The following NDRG2 variants were observed in gnomAD, a reference collection of about 807,000 sequenced individuals.
NDRG2 encodes NDRG family member 2.
In NDRG2, 34 loss-of-function variants were observed where a neutral mutation model predicts 58.2. The ratio of observed to expected loss-of-function variants is 0.58; its 90% CI spans 0.44 to 0.78. NDRG2 has a LOEUF of 0.78. Among genes scored for constraint, NDRG2 ranks in the 30% least tolerant of loss-of-function variants. The pLI is 0.00. For synonymous variants in NDRG2, 187 were observed against 175.9 expected, an observed-to-expected ratio of 1.06 and a Z score of -0.50; for missense variants, 434 against 471.2, an observed-to-expected ratio of 0.92 and a Z score of 0.73.
At chr14:21,031,245 C>T (rs1412965152) in intron 1 of NDRG2, 2 of 1,532,166 alleles carry the variant, frequency 1.3e-6, no homozygotes, top group East Asian at 4.5e-5. Flanking sequence ...ACCCTGCCAA[C>T]TGTGTGACTG....
At chr14:21,027,694 A>G (rs1883790009), upstream of NDRG2, among the ~76,000 whole-genome samples, 1 of 152,196 alleles carries the variant, frequency 6.6e-6, no homozygotes, top group Non-Finnish European at 1.5e-5. Flanking sequence ...CTCAGTTCAC[A>G]CTCACTCTTT....
chr14:21,042,944 C>T, intron 1 of NDRG2: 1 of 1,534,078 alleles, frequency 6.5e-7, no homozygotes, highest in Non-Finnish European at 8.9e-7. Flanking sequence ...CTGAACACCT[C>T]TGTCCCAGCG....
intron 1 of NDRG2, 99 bp from the exon 2 acceptor site, chr14:21,023,420 C>G (rs773289056): frequency 9.2e-7 from 1 of 1,083,642 alleles, no homozygotes; most frequent in East Asian, 2.6e-5. Flanking sequence ...ATGCAGGGAA[C>G]AGAGGGACCC....
At chr14:21,062,685 T>C (rs972213988) in intron 1 of NDRG2, among the ~76,000 whole-genome samples, 4 of 144,872 alleles carry the variant, frequency 2.8e-5, no homozygotes, top group African/African-American at 5.1e-5. Context: ...GCTTTTAAAA[T>C]GTAAACAAAA....
At chr14:21,061,772 T>A (rs1274495640) in intron 1 of NDRG2, among the ~76,000 whole-genome samples, 1 of 152,236 alleles carries the variant, frequency 6.6e-6, no homozygotes, top group African/African-American at 2.4e-5. Context: ...ATTAGGCTTG[T>A]CATTCTAATT....
chr14:21,018,426 G>A, intron 13 of NDRG2, 31 bp downstream of exon 13: 1 of 1,613,048 alleles, frequency 6.2e-7, no homozygotes, highest in Non-Finnish European at 8.5e-7. Context: ...ATATATGACT[G>A]TGGACGGGGG....
intron 1 of NDRG2, among the ~76,000 whole-genome samples, chr14:21,069,894 G>C (rs1286103696): frequency 1.1e-4 from 17 of 152,216 alleles, no homozygotes; most frequent in Non-Finnish European, 2.5e-4. Flanking sequence ...GAAGACCCCA[G>C]TTCTGGGAAG....
intron 1 of NDRG2, among the ~76,000 whole-genome samples, chr14:21,067,466 G>A (rs1886329881): frequency 6.6e-6 from 1 of 152,128 alleles, no homozygotes; most frequent in South Asian, 2.1e-4. Context: ...CTTACTGGTT[G>A]CGACTGAAGC....
chr14:21,045,335 ATGAGTTGGTCACAACAGCCAAACGAC>A (rs1885096789), intron 1 of NDRG2, among the ~76,000 whole-genome samples: 1 of 152,196 alleles, frequency 6.6e-6, no homozygotes, highest in African/African-American at 2.4e-5. Context: ...CAATAAGTGG[ATGAGTTGGTCACAACAGCCAAACGAC>A]TGAGTGTAAA....
chr14:21,022,971 AACAG>A (rs778645885), intron 2 of NDRG2, 66 bp from the exon 3 acceptor site: 24 of 1,581,564 alleles, frequency 1.5e-5, no homozygotes, highest in African/African-American at 5.4e-5. Context: ...TGGAGAGACA[AACAG>A]ACAAAGAGAG....
rs1275305354 is a variant in NDRG2, at chr14:21,043,488, G to A, written c.25-20167C>T. 4 of 1,510,974 alleles carry A rather than the reference G, an allele frequency of 2.6e-6. No individual in the cohort carries two copies. The African/African-American group carries it at 5.6e-5, about 21-fold the overall frequency. 93.6% of individuals were successfully genotyped at this position (1,510,974 alleles called of 1,614,324 possible). A position where few individuals can be genotyped will look rare whatever the true frequency, so the allele number is the denominator to read the frequency against. On this transcript the variant is annotated intron_variant, in intron 1 of 14. Coordinates refer to the NDRG2 transcript ENST00000403829. ...GGTTTCCAGACTGGCTTGCTCTTTG[G>A]CTGACCTTCAATTCCCTCTCCAGGA... is the stretch of plus-strand genomic sequence containing the variant.
At chr14:21,059,358 A>G (rs182897154) in intron 1 of NDRG2, among the ~76,000 whole-genome samples, 12 of 152,322 alleles carry the variant, frequency 7.9e-5, no homozygotes, top group Admixed American at 2.0e-4. Context: ...ATACAATACA[A>G]TGAATTACTA....
At chr14:21,020,940 C>A in intron 6 of NDRG2, 96 bp from the exon 7 acceptor site, 1 of 1,348,096 alleles carries the variant, frequency 7.4e-7, no homozygotes, top group Non-Finnish European at 1.1e-6. Flanking sequence ...CTCCTGAGTC[C>A]ACGGGCACAA....
chr14:21,058,526 G>A (rs78390780), intron 1 of NDRG2: 10,779 of 602,368 alleles, frequency 0.018, 558 homozygotes, highest in African/African-American at 0.14. Flanking sequence ...CGCTCCAAAC[G>A]ATGAAAGAAG....
At chr14:21,032,228 G>A (rs1166307965) in intron 1 of NDRG2, 1 of 821,522 alleles carries the variant, frequency 1.2e-6, no homozygotes, top group Non-Finnish European at 2.0e-6. Flanking sequence ...AGGGAGAAGA[G>A]GCAGCACAGG....
intron 1 of NDRG2, among the ~76,000 whole-genome samples, chr14:21,051,626 G>A (rs1273811263): frequency 6.6e-6 from 1 of 152,174 alleles, no homozygotes; most frequent in African/African-American, 2.4e-5. Flanking sequence ...AGGCCTCAAA[G>A]AACTACATAG....
At chr14:21,025,554 C>A (rs1019367577), upstream of NDRG2, 8 of 985,388 alleles carry the variant, frequency 8.1e-6, no homozygotes, top group Non-Finnish European at 9.6e-6. This position sits in a 1 kb window ranked among gnomAD's most constrained non-coding sequence, Gnocchi z 5.1. Context: ...TGGGCGGGAC[C>A]GCCGCTGAGG....
chr14:21,020,951 A>G (rs1483488263), intron 6 of NDRG2, 107 bp from the exon 7 acceptor site: 3 of 1,247,838 alleles, frequency 2.4e-6, no homozygotes, highest in East Asian at 4.7e-5. Flanking sequence ...ACGGGCACAA[A>G]GAAAGGCAGA....
At chr14:21,029,474 C>A (rs943048560), upstream of NDRG2, among the ~76,000 whole-genome samples, 2 of 152,004 alleles carry the variant, frequency 1.3e-5, no homozygotes, top group African/African-American at 4.8e-5. Flanking sequence ...AGTGGCTGGG[C>A]TAATCCCAGC....
Sources: gnomAD v4.1 joint callset for allele counts (sites outside exome capture counted in the v4.1 genomes callset) on GRCh38, gnomAD v4.1.1 for gene constraint, Gnocchi (gnomAD v3.1) non-coding constraint, MANE v1.5 for transcripts, NCBI Gene and HGNC (gene_info 2026-07-23, HGNC 2026-07-21) for gene names.